CCDC40: variants seen among roughly 807,000 people sequenced by gnomAD.
The protein encoded by CCDC40 is coiled-coil domain-containing protein 40.
Under a neutral mutation model 124.5 loss-of-function variants are expected in CCDC40, and 104 were observed. The ratio of observed to expected loss-of-function variants is 0.84; its 90% CI spans 0.71 to 0.98. CCDC40 has a LOEUF of 0.98. Among genes scored for constraint, CCDC40 ranks in the 50% least tolerant of loss-of-function variants. The pLI, the probability that CCDC40 is intolerant of heterozygous loss-of-function variation, is 0.00. For missense variants in CCDC40, 1,463 were observed against 1,503.9 expected (o/e 0.97, Z 0.45); for synonymous variants, 580 against 602.9 (o/e 0.96, Z 0.56).
intron 10 of CCDC40, among the ~76,000 whole-genome samples, chr17:80,070,784 A>C (rs2038167690): frequency 6.6e-6 from 1 of 152,126 alleles, no homozygotes; most frequent in Admixed American, 6.5e-5. Context: ...AAAAATAAAA[A>C]AGTGTCCCCA....
At chr17:80,048,086 C>G (rs1326244413) in intron 4 of CCDC40, among the ~76,000 whole-genome samples, 1 of 152,158 alleles carries the variant, frequency 6.6e-6, no homozygotes, top group South Asian at 2.1e-4. Flanking sequence ...TGGTGAAACC[C>G]CTGTCTCTAC....
At position 80,058,267 on chromosome 17, in the gene CCDC40, G is replaced by A. The variant is rs2037802752; in HGVS notation, c.1160-227G>A. Among the ~76,000 whole-genome samples the A allele has an allele frequency of 6.6e-6, 1 of 152,206 alleles. No homozygotes were observed. The highest frequency in any genetic ancestry group is 2.4e-5 in the African/African-American group (1 of 41,458). The stretch of plus-strand genomic sequence containing the variant: ...AATGGAACAGCTTGCTGCAATTTGT[G>A]GATGTAGATTCCGTATATTTTTGTC... On this transcript the variant is annotated intron_variant, in intron 7 of 19. Coordinates refer to ENST00000397545, the MANE Select transcript of CCDC40 (RefSeq NM_017950.4). This position sits in a 1 kb window ranked among gnomAD's most constrained non-coding sequence, Gnocchi z 4.2.
intron 19 of CCDC40, 76 bp from the exon 20 acceptor site, chr17:80,099,451 C>CT: frequency 6.5e-7 from 1 of 1,548,608 alleles, no homozygotes; most frequent in Non-Finnish European, 8.8e-7. Flanking sequence ...TTCCTGGAAT[C>CT]TGAGTTTGTG....
rs2038615503 is a variant in CCDC40, at chr17:80,087,666, GACA to G, written c.2512_2514del (p.Asn838del). 2.4e-5 allele frequency: 39 copies of G among 1,613,928 alleles called. No individual in the cohort carries two copies. Among genetic ancestry groups the G allele is most frequent in the Non-Finnish European group, 3.3e-5 (39 of 1,179,912 alleles). ...GATCGAGCACCACATGAAGGACCTGGACAACGACCTGAAGAAGCTCAACATGTT... is the reference window on the plus strand; with the variant it reads ...GATCGAGCACCACATGAAGGACCTGGACGACCTGAAGAAGCTCAACATGTT... On this transcript the variant is annotated inframe_deletion, in exon 15 of 20. Coordinates refer to ENST00000397545, the MANE Select transcript of CCDC40 (RefSeq NM_017950.4). The surrounding 1 kb of genome is among the most constrained non-coding windows in gnomAD (Gnocchi z 4.5).
chr17:80,047,782 C>T (rs3816255), intron 4 of CCDC40, among the ~76,000 whole-genome samples: 35,456 of 152,010 alleles, frequency 0.23, 4,746 homozygotes, highest in Middle Eastern at 0.38. Context: ...GTGACAGCAA[C>T]CCCAGGCCTG....
chr17:80,050,810 G>A (rs1018992382), intron 7 of CCDC40, among the ~76,000 whole-genome samples: 5 of 152,368 alleles, frequency 3.3e-5, no homozygotes, highest in South Asian at 2.1e-4. Flanking sequence ...CAGCCAGAGC[G>A]TAGAGATTCA....
At chr17:80,082,676 C>T (rs1273605385) in intron 12 of CCDC40, among the ~76,000 whole-genome samples, 2 of 152,080 alleles carry the variant, frequency 1.3e-5, no homozygotes, top group East Asian at 3.9e-4. Flanking sequence ...GGGAAAGGAG[C>T]TGGCCAGGCA....
At chr17:80,052,642 G>A (rs1207776293) in intron 7 of CCDC40, among the ~76,000 whole-genome samples, 1 of 152,214 alleles carries the variant, frequency 6.6e-6, no homozygotes, top group Admixed American at 6.5e-5. Context: ...CCTGAGAGGA[G>A]ACTGAGCCGG....
rs953211419 is a variant in CCDC40, at chr17:80,048,557, A to G, written c.677-26A>G. ...TGAGGCTTCTCTCCAGCAGCTCCTC[A>G]ATGGTGTCGCTGTCTCTCCCCCCAG... On this transcript the variant is annotated intron_variant, in intron 4 of 19. Coordinates refer to ENST00000397545, the MANE Select transcript of CCDC40 (RefSeq NM_017950.4). 2.5e-6 allele frequency: 4 copies of G among 1,598,696 alleles called. No individual in the cohort carries two copies. The African/African-American group carries it at 4.0e-5, about 16-fold the overall frequency.
intron 7 of CCDC40, among the ~76,000 whole-genome samples, chr17:80,056,004 A>AT (rs1262463030): frequency 3.3e-3 from 28 of 8,378 alleles, no homozygotes; most frequent in Non-Finnish European, 5.7e-3. Flanking sequence ...ATATATATAT[A>AT]TATATATATA....
intron 12 of CCDC40, among the ~76,000 whole-genome samples, chr17:80,082,728 G>A (rs1029686122): frequency 2.6e-5 from 4 of 152,166 alleles, no homozygotes; most frequent in African/African-American, 7.2e-5. Flanking sequence ...CCATCCAGCC[G>A]TGCTGCTACC....
At chr17:80,065,633 A>T in intron 10 of CCDC40, 27 bp downstream of exon 10, 1 of 1,610,900 alleles carries the variant, frequency 6.2e-7, no homozygotes, top group Non-Finnish European at 8.5e-7. Flanking sequence ...GGCAGCGAGG[A>T]TGTGCGGGAA....
chr17:80,087,236 G>C lies in CCDC40; in HGVS notation c.2450-371G>C, dbSNP rs981301607. 4.2e-5 allele frequency: 15 copies of C among 354,402 alleles called. No individual in the cohort carries two copies. Among genetic ancestry groups the C allele is most frequent in the African/African-American group, 3.1e-4 (15 of 47,672 alleles). The allele number at this position is 354,402 out of a possible 1,614,324, so 22.0% of individuals were successfully genotyped here. ...GGTCTAAGGGCCTCCCTCTCCTGGA[G>C]ACTCACAGTGTCTGAGCATCAACCA... is the stretch of plus-strand genomic sequence containing the variant. On this transcript the variant is annotated intron_variant, in intron 14 of 19. Coordinates refer to ENST00000397545, the MANE Select transcript of CCDC40 (RefSeq NM_017950.4). This position sits in a 1 kb window ranked among gnomAD's most constrained non-coding sequence, Gnocchi z 4.5.
chr17:80,061,961 A>G (rs1336285473), intron 9 of CCDC40, among the ~76,000 whole-genome samples: 1 of 152,164 alleles, frequency 6.6e-6, no homozygotes, highest in Non-Finnish European at 1.5e-5. Context: ...TAAAAATGAT[A>G]AAGCCAGGCT....
Position 80,040,324 on chromosome 17 carries a change from G to C in CCDC40, c.552+54G>C, listed in dbSNP as rs777081369. The C allele has an allele frequency of 3.3e-6, 5 of 1,501,328 alleles. No individual in the cohort carries two copies. The African/African-American group carries it at 6.9e-5, about 21-fold the overall frequency. The allele number at this position is 1,501,328 out of a possible 1,614,324, so 93.0% of individuals were successfully genotyped here. On this transcript the variant is annotated intron_variant, in intron 3 of 19. Coordinates refer to ENST00000397545, the MANE Select transcript of CCDC40 (RefSeq NM_017950.4). The stretch of plus-strand genomic sequence containing the variant: ...CAGTGTCGCACGGCCCACGGGGTTT[G>C]TCACCCTATGTGAGGAACTTGGGAA...
Position 80,099,800 on chromosome 17 carries a change from A to T in CCDC40, c.*25A>T. On this transcript the variant is annotated 3_prime_UTR_variant, in exon 20 of 20. Transcript: ENST00000397545. ...GGGAGCAGCCTGGACTCCGCCTTGC[A>T]AGGCCTCCAGGAAGAGATCCGGAAT... 1 of 1,610,746 alleles carries T rather than the reference A, an allele frequency of 6.2e-7. No individual in the cohort carries two copies.
In CCDC40 at chr17:80,059,501, A is replaced by C. The variant is rs4889949; in HGVS notation, c.1440+521A>C. ...GTTACTGCAACTTAAAAAAAAAAAA[A>C]AAAAAACTATGAGTCACCATCTTCA... is the stretch of plus-strand genomic sequence containing the variant. On this transcript the variant is annotated intron_variant, in intron 9 of 19. Coordinates refer to ENST00000397545, the MANE Select transcript of CCDC40 (RefSeq NM_017950.4). Among the ~76,000 whole-genome samples the C allele has an allele frequency of 1.4e-3, 208 of 151,974 alleles. 1 individual carries two copies. Among genetic ancestry groups the C allele is most frequent in the Admixed American group, 8.7e-3 (133 of 15,248 alleles).
intron 19 of CCDC40, 45 bp from the exon 20 acceptor site, chr17:80,099,482 C>T (rs1247001801): frequency 6.3e-7 from 1 of 1,598,512 alleles, no homozygotes; most frequent in Admixed American, 1.7e-5. Flanking sequence ...AGGTGTCTTT[C>T]TTCTGGTTTG....
chr17:80,041,098 A>G (rs1351697530), intron 3 of CCDC40, among the ~76,000 whole-genome samples: 1 of 152,230 alleles, frequency 6.6e-6, no homozygotes, highest in Non-Finnish European at 1.5e-5. Flanking sequence ...AATGGAGTAC[A>G]ATAAAAAGGA....
Sources: gnomAD v4.1 joint callset for allele counts (sites outside exome capture counted in the v4.1 genomes callset) on GRCh38, gnomAD v4.1.1 for gene constraint, Gnocchi (gnomAD v3.1) non-coding constraint, MANE v1.5 for transcripts, NCBI Gene and HGNC (gene_info 2026-07-23, HGNC 2026-07-21) for gene names.